The following GAS6 variants were observed in gnomAD, a reference collection of about 807,000 sequenced individuals.
GAS6 encodes the protein growth arrest specific 6, also known as growth arrest-specific protein 6.
GAS6 carries 41 observed loss-of-function variants against 75.8 expected under a neutral mutation model. The observed-to-expected ratio is 0.54, with a 90% CI of 0.42 to 0.70. The LOEUF (loss-of-function observed/expected upper bound fraction) is 0.70, where lower values mean the gene tolerates loss of function less well. Among genes scored for constraint, GAS6 ranks in the 30% least tolerant of loss-of-function variants. The probability of loss-of-function intolerance (pLI) is 0.00; values close to 1 mark genes in which losing one functional copy is unlikely to be tolerated. For missense variants in GAS6, 854 were observed against 940.2 expected, an observed-to-expected ratio of 0.91 and a Z score of 1.20; for synonymous variants, 432 against 412.6, an observed-to-expected ratio of 1.05 and a Z score of -0.57.
intron 2 of GAS6, among the ~76,000 whole-genome samples, chr13:113,861,296 T>C (rs2051969425): frequency 1.3e-5 from 2 of 152,012 alleles, no homozygotes; most frequent in South Asian, 4.2e-4. Flanking sequence ...TCCCACATCC[T>C]AAAATGGCAG....
chr13:113,842,803 G>A (rs2051800033), intron 4 of GAS6: 1 of 396,750 alleles, frequency 2.5e-6, no homozygotes, highest in Non-Finnish European at 4.4e-6. Flanking sequence ...TTTCAGAAGT[G>A]GACACCTGCC....
chr13:113,826,081 T>C (rs1281558403), intron 12 of GAS6, among the ~76,000 whole-genome samples: 2 of 152,086 alleles, frequency 1.3e-5, no homozygotes, highest in East Asian at 1.9e-4. Flanking sequence ...GGCCGAGCAG[T>C]AACACTATCC....
At chr13:113,856,849 C>T (rs1011976857) in intron 2 of GAS6, among the ~76,000 whole-genome samples, 2 of 152,222 alleles carry the variant, frequency 1.3e-5, no homozygotes, top group Non-Finnish European at 2.9e-5. Context: ...TCTGCAGGGA[C>T]GGTCAACTTA....
intron 10 of GAS6, among the ~76,000 whole-genome samples, chr13:113,830,151 C>A (rs1439347287): frequency 5.9e-5 from 9 of 152,242 alleles, no homozygotes; most frequent in African/African-American, 9.6e-5. Flanking sequence ...GAATATCCTT[C>A]TTCCTGTGTG....
Position 113,838,107 on chromosome 13 carries a change from C to T in GAS6, c.551G>A (p.Ser184Asn), listed in dbSNP as rs778094457. 1 of 1,612,884 alleles carries T rather than the reference C, an allele frequency of 6.2e-7. No individual in the cohort carries two copies. Among genetic ancestry groups the T allele is most frequent in the South Asian group, 1.1e-5 (1 of 91,090 alleles). ...GCCATCAGAGGAGAGCTCGAAGCCGCTGTGGCAGGAACAGTGGAAGCTACC... is the reference window on the plus strand; with the variant it reads ...GCCATCAGAGGAGAGCTCGAAGCCGTTGTGGCAGGAACAGTGGAAGCTACC... ...KPGSFHCSCH[S>N]GFELSSDGRT... The change falls in exon 6 of 15, where the codon AGC (serine) becomes AAC (asparagine). Residue 184 changes from serine to asparagine, a missense_variant. By Grantham distance (46) the Ser-to-Asn change is conservative. Coordinates refer to ENST00000327773, the MANE Select transcript of GAS6 (RefSeq NM_000820.4).
chr13:113,825,267 C>T (rs1400978749), intron 12 of GAS6, among the ~76,000 whole-genome samples: 3 of 150,020 alleles, frequency 2.0e-5, no homozygotes, highest in Non-Finnish European at 4.4e-5. Flanking sequence ...AAGGAAGCTC[C>T]TGACAGGAGG....
Position 113,837,175 on chromosome 13 carries a change from G to A in GAS6, c.589+894C>T, listed in dbSNP as rs1167584635. On this transcript the variant is annotated intron_variant, in intron 6 of 14. Transcript: ENST00000327773. This position sits in a 1 kb window ranked among gnomAD's most constrained non-coding sequence, Gnocchi z 5.1. Reference sequence around the variant, plus strand: ...GCGGGGAAATGGGTTTATGTGTTAAGATGGGAATCACGTCATCTGCACACA... The same window carrying A: ...GCGGGGAAATGGGTTTATGTGTTAAAATGGGAATCACGTCATCTGCACACA... Among the ~76,000 whole-genome samples the A allele has an allele frequency of 6.6e-6, 1 of 152,000 alleles. No homozygotes were observed. Among genetic ancestry groups the A allele is most frequent in the Non-Finnish European group, 1.5e-5 (1 of 67,976 alleles).
chr13:113,826,225 CTG>C (rs2051536406), intron 12 of GAS6, among the ~76,000 whole-genome samples: 1 of 152,230 alleles, frequency 6.6e-6, no homozygotes, highest in Non-Finnish European at 1.5e-5. Context: ...AGCTTCACGG[CTG>C]TTTTTACACA....
Position 113,828,384 on chromosome 13 carries a change from G to A in GAS6, c.1308+163C>T, listed in dbSNP as rs113705477. 3.7e-3 allele frequency among the ~76,000 whole-genome samples: 558 copies of A among 152,316 alleles called. 1 individual carries two copies. Among genetic ancestry groups the A allele is most frequent in the African/African-American group, 0.013 (531 of 41,576 alleles). Reference sequence around the variant, plus strand: ...AGATGGTAAAATTAATGACATAGCTGTACGGCGACTTTGTCAAACTCTAGG... The same window carrying A: ...AGATGGTAAAATTAATGACATAGCTATACGGCGACTTTGTCAAACTCTAGG... On this transcript the variant is annotated intron_variant, in intron 11 of 14. Transcript: ENST00000327773.
Position 113,839,753 on chromosome 13 carries a change from G to A in GAS6, c.441C>T (p.Gly147=). Residue 147 remains glycine, a synonymous_variant, in exon 5 of 15, where the codon GGC becomes GGT. Coordinates refer to ENST00000327773, the MANE Select transcript of GAS6 (RefSeq NM_000820.4). ...MGNFFCLCKA[G]WGGRLCDKDV... ...CTTTGTCGCAGAGCCGGCCCCCCCA[G>A]CCAGCTTTACACAGGCAGAAGAAGT... The A allele has an allele frequency of 6.2e-7, 1 of 1,613,938 alleles. No homozygotes were observed. The highest frequency in any genetic ancestry group is 8.5e-7 in the Non-Finnish European group (1 of 1,179,964).
At position 113,834,615 on chromosome 13, in the gene GAS6, C is replaced by T. The variant is rs773535523; in HGVS notation, c.770G>A (p.Ser257Asn). The change falls in exon 8 of 15, where the codon AGC becomes AAC. Residue 257 changes from serine to asparagine, a missense_variant. Transcript: ENST00000327773. ...ACGCCCGTCACAGTGGCAGGTGTAG[C>T]TCCCTGGGGAGTTCACGCAGACCTG... ...CEQVCVNSPGSYTCHCDGRGG... is the reference protein window; with the variant it reads ...CEQVCVNSPGNYTCHCDGRGG... 2 of 1,601,076 alleles carry T rather than the reference C, an allele frequency of 1.2e-6. No individual in the cohort carries two copies. Among genetic ancestry groups the T allele is most frequent in the Non-Finnish European group, 1.7e-6 (2 of 1,175,132 alleles).
chr13:113,827,058 G>A lies in GAS6; in HGVS notation c.1415C>T (p.Ser472Leu), dbSNP rs553417045. 5.8e-5 allele frequency: 94 copies of A among 1,613,540 alleles called. No individual in the cohort carries two copies. The highest frequency in any genetic ancestry group is 6.4e-5 in the Non-Finnish European group (76 of 1,179,976). The change falls in exon 12 of 15, where the codon TCG becomes TTG. Residue 472 changes from serine (S) to leucine (L), a missense_variant. By Grantham distance (145) the Ser-to-Leu change is moderately radical (BLOSUM62 -2). Coordinates refer to ENST00000327773, the MANE Select transcript of GAS6 (RefSeq NM_000820.4). The part of the protein sequence containing the change: ...VKVNTRMQCF[S>L]VTERGSFYPG... The stretch of plus-strand genomic sequence containing the variant: ...GTAGAAAGAGCCTCTCTCCGTCACC[G>A]AGAAGCACTGCATCCTCGTGTTCAC...
intron 2 of GAS6, among the ~76,000 whole-genome samples, chr13:113,858,214 G>A (rs1333151766): frequency 6.6e-6 from 1 of 152,256 alleles, no homozygotes; most frequent in Non-Finnish European, 1.5e-5. Flanking sequence ...ACATGTGTCT[G>A]TGTGTGTCTG....
At chr13:113,840,079 A>T in intron 4 of GAS6, 1 of 559,600 alleles carries the variant, frequency 1.8e-6, no homozygotes, top group African/African-American at 1.9e-5. Flanking sequence ...ATCAACTGGG[A>T]GGGAGTGCCA....
intron 2 of GAS6, among the ~76,000 whole-genome samples, chr13:113,858,760 T>G (rs1021445408): frequency 3.9e-5 from 6 of 151,912 alleles, no homozygotes; most frequent in Non-Finnish European, 5.9e-5. Flanking sequence ...AGTATGTGTG[T>G]GCGTGTCATT....
At position 113,846,868 on chromosome 13, in the gene GAS6, G is replaced by T. The variant is rs939020607; in HGVS notation, c.281-279C>A. On this transcript the variant is annotated intron_variant, in intron 3 of 14. Transcript: ENST00000327773. ...TTCGAGGGGGCTCCTCCTGCCATAC[G>T]GGAGAATCACCGGGAATGCTCAGTA... 5.9e-6 allele frequency: 3 copies of T among 510,446 alleles called. No individual in the cohort carries two copies. The Admixed American group carries it at 8.6e-5, about 15-fold the overall frequency. The allele number at this position is 510,446 out of a possible 1,614,324, so 31.6% of individuals were successfully genotyped here.
chr13:113,827,848 G>A (rs1345838602), intron 11 of GAS6, among the ~76,000 whole-genome samples: 1 of 152,218 alleles, frequency 6.6e-6, no homozygotes, highest in Non-Finnish European at 1.5e-5. Flanking sequence ...CTGAAGGGGA[G>A]AGAAGGCGGG....
intron 12 of GAS6, among the ~76,000 whole-genome samples, chr13:113,825,824 AG>A (rs911375023): frequency 4.4e-5 from 5 of 114,368 alleles, no homozygotes; most frequent in African/African-American, 2.5e-4. Context: ...ACCCGGGGGG[AG>A]ACGGTGACAC....
intron 2 of GAS6, among the ~76,000 whole-genome samples, chr13:113,859,422 T>C (rs1249233910): frequency 6.6e-6 from 1 of 150,744 alleles, no homozygotes; most frequent in African/African-American, 2.5e-5. Flanking sequence ...GTGTGCCTTG[T>C]ATGTGCATGT....
Sources: gnomAD v4.1 joint callset for allele counts (sites outside exome capture counted in the v4.1 genomes callset) on GRCh38, gnomAD v4.1.1 for gene constraint, Gnocchi (gnomAD v3.1) non-coding constraint, MANE v1.5 for transcripts, NCBI Gene and HGNC (gene_info 2026-07-23, HGNC 2026-07-21) for gene names.